CAP2: variants seen among roughly 807,000 people sequenced by gnomAD.
CAP2 encodes cyclase associated actin cytoskeleton regulatory protein 2.
Under a neutral mutation model 57.7 loss-of-function variants are expected in CAP2, and 24 were observed. That is an observed-to-expected ratio of 0.42 (90% CI 0.30 to 0.58). The LOEUF is 0.58. CAP2 is among the 20% of genes least tolerant of loss of function. CAP2 has a pLI of 0.22. For synonymous variants in CAP2, 194 were observed against 207.2 expected, an observed-to-expected ratio of 0.94 and a Z score of 0.55; for missense variants, 501 against 590.3, an observed-to-expected ratio of 0.85 and a Z score of 1.57.
At chr6:17,452,876 A>G (rs1299672997) in intron 3 of CAP2, among the ~76,000 whole-genome samples, 2 of 152,102 alleles carry the variant, frequency 1.3e-5, no homozygotes, top group Non-Finnish European at 2.9e-5. Flanking sequence ...ATGTCAGTTC[A>G]TGGGGAGATG....
At position 17,507,592 on chromosome 6, in the gene CAP2, T is replaced by C. The variant is rs772446004; in HGVS notation, c.445-49T>C. 7.2e-6 allele frequency: 8 copies of C among 1,114,466 alleles called. No homozygotes were observed. The South Asian group carries it at 7.6e-5, about 11-fold the overall frequency. The allele number at this position is 1,114,466 out of a possible 1,614,324, so 69.0% of individuals were successfully genotyped here. A position where few individuals can be genotyped will look rare whatever the true frequency, so the allele number is the denominator to read the frequency against. On this transcript the variant is annotated intron_variant, in intron 5 of 12. Transcript: ENST00000229922. ...CTTCTTTAAGGCATTTTCTTTCTTA[T>C]CCTATTTTTTTTTCCTTCTATGCTT... is the stretch of plus-strand genomic sequence containing the variant.
chr6:17,498,418 A>G (rs1360267451), intron 4 of CAP2, among the ~76,000 whole-genome samples: 1 of 152,216 alleles, frequency 6.6e-6, no homozygotes, highest in Non-Finnish European at 1.5e-5. Flanking sequence ...TTTGCTGAAC[A>G]CTTTTGCAGA....
At chr6:17,410,276 A>G (rs577490220) in intron 1 of CAP2, among the ~76,000 whole-genome samples, 1 of 152,256 alleles carries the variant, frequency 6.6e-6, no homozygotes, top group East Asian at 1.9e-4. Context: ...GGGCCCTTGT[A>G]CTCTGAAGAG....
intron 4 of CAP2, among the ~76,000 whole-genome samples, chr6:17,493,798 C>T (rs774611052): frequency 4.6e-5 from 7 of 151,794 alleles, no homozygotes; most frequent in African/African-American, 1.7e-4. Flanking sequence ...AAAGCAAGCC[C>T]ATTGCAGCTG....
Position 17,449,326 on chromosome 6 carries a change from T to C in CAP2, c.223-13670T>C, listed in dbSNP as rs570863786. Among the ~76,000 whole-genome samples, 6 of 152,294 alleles carry C rather than the reference T, an allele frequency of 3.9e-5. No individual in the cohort carries two copies. In the East Asian group the frequency reaches 1.2e-3, roughly 29 times the overall value. ...GTAGTATTTATAATCATTTAAAAAA[T>C]TAGTGTCATTTGACTTGTTTTCAGT... On this transcript the variant is annotated intron_variant, in intron 3 of 12. Coordinates refer to ENST00000229922, the MANE Select transcript of CAP2 (RefSeq NM_006366.3).
intron 3 of CAP2, among the ~76,000 whole-genome samples, chr6:17,459,766 A>G (rs1581536907): frequency 6.6e-6 from 1 of 152,212 alleles, no homozygotes; most frequent in South Asian, 2.1e-4. Flanking sequence ...GACCTGTTGA[A>G]AATTTGTTTA....
chr6:17,542,423 T>G (rs2113701418), intron 9 of CAP2, among the ~76,000 whole-genome samples: 1 of 152,072 alleles, frequency 6.6e-6, no homozygotes, highest in East Asian at 1.9e-4. Flanking sequence ...CCAAAGTCCC[T>G]GGAGAGTTGT....
chr6:17,405,559 A>G (rs1224490312), intron 1 of CAP2, among the ~76,000 whole-genome samples: 1 of 151,576 alleles, frequency 6.6e-6, no homozygotes, highest in African/African-American at 2.4e-5. Context: ...GTGCTCACCT[A>G]TATTTGGACC....
chr6:17,398,249 A>G (rs1758719879), intron 1 of CAP2, among the ~76,000 whole-genome samples: 1 of 152,164 alleles, frequency 6.6e-6, no homozygotes, highest in Admixed American at 6.5e-5. Flanking sequence ...AAAGTACATG[A>G]ATAGTTACTA....
chr6:17,454,463 G>T lies in CAP2; in HGVS notation c.223-8533G>T, dbSNP rs570619669. Among the ~76,000 whole-genome samples, 4 of 152,354 alleles carry T rather than the reference G, an allele frequency of 2.6e-5. No individual in the cohort carries two copies. The South Asian group carries it at 8.3e-4, about 32-fold the overall frequency. Reference sequence around the variant, plus strand: ...TGATGAGGCATTCTGTCCTCGGCCTGCAGCCTCTGCTCCCAAACACCATTA... The same window carrying T: ...TGATGAGGCATTCTGTCCTCGGCCTTCAGCCTCTGCTCCCAAACACCATTA... On this transcript the variant is annotated intron_variant, in intron 3 of 12. Coordinates refer to ENST00000229922, the MANE Select transcript of CAP2 (RefSeq NM_006366.3).
At chr6:17,538,644 T>C (rs897587743) in intron 7 of CAP2, among the ~76,000 whole-genome samples, 1 of 152,204 alleles carries the variant, frequency 6.6e-6, no homozygotes, top group Admixed American at 6.5e-5. Flanking sequence ...ACAGCCAACA[T>C]TTGATGAAAA....
chr6:17,530,455 A>G (rs749671348), intron 7 of CAP2, among the ~76,000 whole-genome samples: 1 of 152,144 alleles, frequency 6.6e-6, no homozygotes, highest in Non-Finnish European at 1.5e-5. Context: ...GAGATCATTA[A>G]TGGTAAGCCG....
At chr6:17,423,080 A>G (rs918797426) in intron 2 of CAP2, among the ~76,000 whole-genome samples, 1 of 152,222 alleles carries the variant, frequency 6.6e-6, no homozygotes. Flanking sequence ...TATCTGACCC[A>G]TACTGAATCC....
At chr6:17,407,633 G>T (rs1049350699) in intron 1 of CAP2, among the ~76,000 whole-genome samples, 1 of 151,938 alleles carries the variant, frequency 6.6e-6, no homozygotes, top group Non-Finnish European at 1.5e-5. Context: ...TAAAAATTTA[G>T]CTGAGTGTGG....
chr6:17,436,405 T>C (rs1279392173), intron 3 of CAP2, among the ~76,000 whole-genome samples: 3 of 152,138 alleles, frequency 2.0e-5, no homozygotes, highest in African/African-American at 7.2e-5. Context: ...AGTGCTGGGA[T>C]TATAAGCATG....
rs1227482944 is a variant in CAP2, at chr6:17,513,561, AC to A, written c.531-285del. ...GGGCTGACTGGGACAGTGCAAGGAC[AC>A]CCTACTCAAGTCAGCTTAGCTCTGT... On this transcript the variant is annotated intron_variant, in intron 6 of 12. Coordinates refer to ENST00000229922, the MANE Select transcript of CAP2 (RefSeq NM_006366.3). The surrounding 1 kb of genome is among the most constrained non-coding windows in gnomAD (Gnocchi z 4.3). 6.6e-6 allele frequency among the ~76,000 whole-genome samples: 1 copy of A among 151,706 alleles called. No individual in the cohort carries two copies. Among genetic ancestry groups the A allele is most frequent in the Non-Finnish European group, 1.5e-5 (1 of 67,904 alleles).
intron 4 of CAP2, among the ~76,000 whole-genome samples, chr6:17,491,911 G>GTCA (rs1289398479): frequency 2.6e-5 from 4 of 152,196 alleles, no homozygotes; most frequent in Non-Finnish European, 5.9e-5. Flanking sequence ...TAAGATGATA[G>GTCA]TCATCCCACA....
intron 3 of CAP2, among the ~76,000 whole-genome samples, chr6:17,441,641 G>A (rs568081679): frequency 1.2e-3 from 181 of 147,094 alleles, no homozygotes; most frequent in Non-Finnish European, 2.2e-3. Flanking sequence ...ACACCACCAC[G>A]CTCAGCTAAT....
chr6:17,521,427 A>G (rs530409191), intron 7 of CAP2, among the ~76,000 whole-genome samples: 3 of 152,240 alleles, frequency 2.0e-5, no homozygotes, highest in African/African-American at 7.2e-5. Context: ...CAGAAAAAAA[A>G]AAGAAGTGTC....
Sources: gnomAD v4.1 joint callset for allele counts (sites outside exome capture counted in the v4.1 genomes callset) on GRCh38, gnomAD v4.1.1 for gene constraint, Gnocchi (gnomAD v3.1) non-coding constraint, MANE v1.5 for transcripts, NCBI Gene and HGNC (gene_info 2026-07-23, HGNC 2026-07-21) for gene names.